Variants in PTPRD observed in about 807,000 individuals in gnomAD.
PTPRD encodes the protein protein tyrosine phosphatase receptor type D, also known as receptor-type tyrosine-protein phosphatase delta.
PTPRD carries 34 observed loss-of-function variants against 214.5 expected under a neutral mutation model. The observed-to-expected ratio is 0.16, with a 90% confidence interval of 0.12 to 0.21. PTPRD has a LOEUF of 0.21. Among genes scored for constraint, PTPRD ranks in the 10% least tolerant of loss-of-function variants. The probability of loss-of-function intolerance (pLI) is 1.00; values close to 1 mark genes in which losing one functional copy is unlikely to be tolerated. For missense variants in PTPRD, 2,545 were observed against 2,398.7 expected (o/e 1.06, Z -1.27); for synonymous variants, 1,128 against 845.7 (o/e 1.33, Z -5.79).
intron 11 of PTPRD, among the ~76,000 whole-genome samples, chr9:8,868,554 G>C (rs2098239518): frequency 6.6e-6 from 1 of 152,140 alleles, no homozygotes; most frequent in African/African-American, 2.4e-5. Flanking sequence ...TTTAGCCAAA[G>C]TTGGAGCAAC....
chr9:10,423,299 C>G (rs1565940001), intron 2 of PTPRD, among the ~76,000 whole-genome samples: 1 of 151,706 alleles, frequency 6.6e-6, no homozygotes, highest in Non-Finnish European at 1.5e-5. Flanking sequence ...ACTCTGGGGT[C>G]TGTCATGGGG....
At chr9:10,063,011 G>T (rs2097802316) in intron 3 of PTPRD, among the ~76,000 whole-genome samples, 1 of 152,002 alleles carries the variant, frequency 6.6e-6, no homozygotes, top group African/African-American at 2.4e-5. Context: ...AAAGACTGTG[G>T]AAACAGAACA....
chr9:10,580,992 G>C (rs967455640), intron 2 of PTPRD, among the ~76,000 whole-genome samples: 2 of 152,112 alleles, frequency 1.3e-5, no homozygotes, highest in Admixed American at 6.5e-5. Flanking sequence ...CAAAGCACAG[G>C]AGCCTATATT....
chr9:10,464,792 T>G (rs1481912067), intron 2 of PTPRD, among the ~76,000 whole-genome samples: 3 of 152,100 alleles, frequency 2.0e-5, no homozygotes, highest in Admixed American at 1.3e-4. Context: ...GTAATGTCAG[T>G]AGGCTAAAAA....
chr9:9,221,286 C>T (rs1489058016), intron 9 of PTPRD, among the ~76,000 whole-genome samples: 1 of 152,050 alleles, frequency 6.6e-6, no homozygotes, highest in Non-Finnish European at 1.5e-5. Context: ...GGATAGAATT[C>T]GGAGCAACAG....
At chr9:9,949,723 C>G (rs922653972) in intron 4 of PTPRD, among the ~76,000 whole-genome samples, 2 of 152,134 alleles carry the variant, frequency 1.3e-5, no homozygotes, top group African/African-American at 4.8e-5. Flanking sequence ...AAAATGCTTT[C>G]TCATTCTTGA....
At position 10,249,520 on chromosome 9, in the gene PTPRD, T is replaced by G. The variant is rs574510436; in HGVS notation, c.-545+91443A>C. Among the ~76,000 whole-genome samples, 21 of 152,312 alleles carry G rather than the reference T, an allele frequency of 1.4e-4. 1 individual carries two copies. In the South Asian group the frequency reaches 4.4e-3, roughly 32 times the overall value. ...GCACACTGCCTGAGTAATTACTCTG[T>G]CTGACAGGAGCAAAGGATGGTCACT... is the stretch of plus-strand genomic sequence containing the variant. On this transcript the variant is annotated intron_variant, in intron 3 of 45. Transcript: ENST00000381196.
intron 8 of PTPRD, among the ~76,000 whole-genome samples, chr9:9,450,674 T>A (rs2091889607): frequency 6.6e-6 from 1 of 151,778 alleles, no homozygotes. Context: ...TAGAATTTTG[T>A]TTTCGTAACT....
intron 7 of PTPRD, among the ~76,000 whole-genome samples, chr9:9,633,616 G>T (rs539300213): frequency 6.6e-6 from 1 of 152,230 alleles, no homozygotes; most frequent in East Asian, 1.9e-4. Flanking sequence ...CCTCAGCTCA[G>T]TCTGGTTAAT....
At chr9:9,193,292 T>C (rs934951116) in intron 9 of PTPRD, among the ~76,000 whole-genome samples, 3 of 152,122 alleles carry the variant, frequency 2.0e-5, no homozygotes, top group African/African-American at 7.2e-5. Context: ...TTAAAAATCA[T>C]ACGCAGAGGA....
intron 9 of PTPRD, among the ~76,000 whole-genome samples, chr9:9,236,998 T>A (rs1038563952): frequency 6.6e-6 from 1 of 152,206 alleles, no homozygotes; most frequent in Admixed American, 6.5e-5. Flanking sequence ...TTGTCTGGAA[T>A]TACTTGTCAG....
chr9:8,336,823 C>G (rs570727005), intron 43 of PTPRD, among the ~76,000 whole-genome samples: 2 of 152,024 alleles, frequency 1.3e-5, no homozygotes, highest in African/African-American at 4.8e-5. Context: ...GAAGAAGACA[C>G]CGATGCGGCA....
At chr9:8,441,699 G>A (rs927768227) in intron 34 of PTPRD, among the ~76,000 whole-genome samples, 4 of 152,164 alleles carry the variant, frequency 2.6e-5, no homozygotes, top group African/African-American at 9.6e-5. Context: ...CTTCTTGCAT[G>A]GTTCATCCCC....
intron 2 of PTPRD, among the ~76,000 whole-genome samples, chr9:10,475,927 C>T (rs1023777013): frequency 6.6e-6 from 1 of 151,968 alleles, no homozygotes; most frequent in East Asian, 1.9e-4. Flanking sequence ...AATACAAATT[C>T]AACATCCCTT....
intron 2 of PTPRD, among the ~76,000 whole-genome samples, chr9:10,454,322 C>T (rs576754097): frequency 1.3e-5 from 2 of 151,584 alleles, no homozygotes; most frequent in Admixed American, 6.6e-5. Context: ...CCTTATACTG[C>T]TGATGACTTT....
At chr9:8,631,730 T>C (rs1000965636) in intron 14 of PTPRD, among the ~76,000 whole-genome samples, 1 of 151,908 alleles carries the variant, frequency 6.6e-6, no homozygotes, top group Non-Finnish European at 1.5e-5. Context: ...CACTAAAGCA[T>C]AAGGTCCATT....
At chr9:8,591,052 C>A (rs953337982) in intron 14 of PTPRD, among the ~76,000 whole-genome samples, 1 of 152,074 alleles carries the variant, frequency 6.6e-6, no homozygotes, top group African/African-American at 2.4e-5. Flanking sequence ...ATCTTCAGAG[C>A]CAGCAAAGGC....
At chr9:10,232,910 C>T (rs1203008460) in intron 3 of PTPRD, among the ~76,000 whole-genome samples, 1 of 151,858 alleles carries the variant, frequency 6.6e-6, no homozygotes, top group African/African-American at 2.4e-5. Flanking sequence ...AAAATGGAAA[C>T]AAAGATTTTA....
At chr9:10,533,213 A>T (rs1218691638) in intron 2 of PTPRD, among the ~76,000 whole-genome samples, 1 of 151,960 alleles carries the variant, frequency 6.6e-6, no homozygotes, top group Non-Finnish European at 1.5e-5. Context: ...AGATGTCACC[A>T]CTCAATTGTA....
Sources: allele counts gnomAD v4.1 joint callset (sites outside exome capture counted in the v4.1 genomes callset), GRCh38; gene constraint gnomAD v4.1.1; transcripts MANE v1.5; gene names NCBI Gene and HGNC (gene_info 2026-07-23, HGNC 2026-07-21).